The following GRP variants were observed in gnomAD, a reference collection of about 807,000 sequenced individuals.
GRP encodes gastrin-releasing peptide.
GRP carries 11 observed loss-of-function variants against 12.7 expected under a neutral mutation model. The observed-to-expected ratio is 0.87, with a 90% CI of 0.55 to 1.44. The LOEUF is 1.44. GRP is among the 40% of genes most tolerant of loss of function. The pLI is 0.00. For missense variants in GRP, 212 were observed against 185.4 expected, an observed-to-expected ratio of 1.14 and a Z score of -0.83; for synonymous variants, 84 against 77.7, an observed-to-expected ratio of 1.08 and a Z score of -0.43.
intron 2 of GRP, among the ~76,000 whole-genome samples, chr18:59,230,101 C>A (rs529942068): frequency 1.3e-5 from 2 of 152,070 alleles, no homozygotes; most frequent in African/African-American, 4.8e-5. Flanking sequence ...GCATGTTAAG[C>A]TGATAAAACA....
chr18:59,219,720 T>G (rs1458739025), upstream of GRP, among the ~76,000 whole-genome samples: 1 of 152,052 alleles, frequency 6.6e-6, no homozygotes, highest in African/African-American at 2.4e-5. Context: ...GGCCTTCAAA[T>G]GGTGGTTCCA....
intron 2 of GRP, among the ~76,000 whole-genome samples, chr18:59,227,032 T>TCTTTCTTTCTTCCTTC (rs1491161975): frequency 2.7e-4 from 38 of 141,458 alleles, no homozygotes; most frequent in Non-Finnish European, 4.8e-4. Flanking sequence ...TTTCTTTCTT[T>TCTTTCTTTCTTCCTTC]CTTTCTTTCT....
intron 1 of GRP, among the ~76,000 whole-genome samples, chr18:59,221,043 T>C (rs960575429): frequency 6.6e-6 from 1 of 152,264 alleles, no homozygotes; most frequent in African/African-American, 2.4e-5. Context: ...TTCTTTTCCC[T>C]GCCCTTTTGC....
At chr18:59,222,650 G>T (rs866676280) in intron 1 of GRP, among the ~76,000 whole-genome samples, 1 of 152,180 alleles carries the variant, frequency 6.6e-6, no homozygotes, top group Non-Finnish European at 1.5e-5. Context: ...AATCACCAAA[G>T]ACATGTAGTT....
Position 59,225,558 on chromosome 18 carries a change from A to G in GRP, c.206A>G (p.Gln69Arg). The change falls in exon 2 of 3, where the codon CAG (glutamine) becomes CGG (arginine). Residue 69 changes from glutamine (Q) to arginine (R), a missense_variant. Coordinates refer to ENST00000256857, the MANE Select transcript of GRP (RefSeq NM_002091.5). ...GTTTCTGAGAGAGGGAGCCTGAAGC[A>G]GCAGCTGAGAGAGTACATCAGGTGG... ...SSVSERGSLK[Q>R]QLREYIRWEE... 6.2e-7 allele frequency: 1 copy of G among 1,614,092 alleles called. No individual in the cohort carries two copies. The highest frequency in any genetic ancestry group is 8.5e-7 in the Non-Finnish European group (1 of 1,179,914).
chr18:59,223,178 G>A (rs1008318452), intron 1 of GRP, among the ~76,000 whole-genome samples: 6 of 152,014 alleles, frequency 3.9e-5, no homozygotes, highest in African/African-American at 1.4e-4. Context: ...TCTGATCAAG[G>A]TTTTATTTTT....
intron 2 of GRP, among the ~76,000 whole-genome samples, chr18:59,227,660 A>ATGT (rs1304991410): frequency 6.6e-6 from 1 of 152,128 alleles, no homozygotes; most frequent in African/African-American, 2.4e-5. Context: ...CTCTACTAAC[A>ATGT]CACAATCATG....
chr18:59,229,935 A>G (rs1289095125), intron 2 of GRP, among the ~76,000 whole-genome samples: 1 of 152,170 alleles, frequency 6.6e-6, no homozygotes, highest in African/African-American at 2.4e-5. Context: ...ACTAGCTTTG[A>G]CTTGTGTAAC....
chr18:59,225,009 AG>A (rs575138419), intron 1 of GRP, among the ~76,000 whole-genome samples: 34 of 152,384 alleles, frequency 2.2e-4, no homozygotes, highest in Middle Eastern at 6.8e-3. Context: ...AACCACACAA[AG>A]AAAAGCATGG....
At chr18:59,220,910 G>A (rs1372543459) in intron 1 of GRP, among the ~76,000 whole-genome samples, 1 of 152,202 alleles carries the variant, frequency 6.6e-6, no homozygotes, top group African/African-American at 2.4e-5. Flanking sequence ...CACAGGTGTG[G>A]GGACCTAGGG....
chr18:59,229,293 C>T, intron 2 of GRP, among the ~76,000 whole-genome samples: 1 of 152,080 alleles, frequency 6.6e-6, no homozygotes, highest in East Asian at 1.9e-4. Flanking sequence ...CTCTCTTTTT[C>T]CTTTTAGTTT....
chr18:59,221,597 G>C lies in GRP; in HGVS notation c.139+1193G>C, dbSNP rs941497343. Among the ~76,000 whole-genome samples, 82 of 149,152 alleles carry C rather than the reference G, an allele frequency of 5.5e-4. 1 individual carries two copies. In the South Asian group the frequency reaches 0.012, roughly 22 times the overall value. On this transcript the variant is annotated intron_variant, in intron 1 of 2. Transcript: ENST00000256857. ...TGTGTCTCTGTGTGTGTGTGTCTCTGTGTGTGTGTGTGTGTGTGTATTTCC... is the reference window on the plus strand; with the variant it reads ...TGTGTCTCTGTGTGTGTGTGTCTCTCTGTGTGTGTGTGTGTGTGTATTTCC...
intron 1 of GRP, among the ~76,000 whole-genome samples, chr18:59,221,503 A>G (rs1299268250): frequency 6.6e-6 from 1 of 151,876 alleles, no homozygotes; most frequent in Admixed American, 6.6e-5. Flanking sequence ...AAAGCCAACT[A>G]CAACAACCCC....
At position 59,225,638 on chromosome 18, in the gene GRP, C is replaced by G; in HGVS notation, c.286C>G (p.His96Asp). Residue 96 changes from histidine to aspartate, a missense_variant, in exon 2 of 3, where the codon CAC becomes GAC. His to Asp is a moderately conservative substitution (Grantham distance 81). Transcript: ENST00000256857. ...GLIEAKENRN[H>D]QPPQPKALGN... is the part of the protein sequence containing the mutation. Reference sequence around the variant, plus strand: ...CATAGAAGCAAAGGAGAACAGAAACCACCAGCCACCTCAACCCAAGGCCCT... The same window carrying G: ...CATAGAAGCAAAGGAGAACAGAAACGACCAGCCACCTCAACCCAAGGCCCT... The G allele has an allele frequency of 6.2e-7, 1 of 1,614,094 alleles. No homozygotes were observed. The highest frequency in any genetic ancestry group is 8.5e-7 in the Non-Finnish European group (1 of 1,179,984).
Position 59,225,847 on chromosome 18 carries a change from A to G in GRP, c.382+113A>G, listed in dbSNP as rs2069912292. 8.7e-6 allele frequency: 8 copies of G among 916,618 alleles called. No individual in the cohort carries two copies. The South Asian group carries it at 1.3e-4, about 15-fold the overall frequency. The allele number at this position is 916,618 out of a possible 1,614,324, so 56.8% of individuals were successfully genotyped here. ...GCTTATGATATAAACCTTCACAGTC[A>G]CTACATTAGGCTAACACATGCTAAG... is the stretch of plus-strand genomic sequence containing the variant. On this transcript the variant is annotated intron_variant, in intron 2 of 2. Coordinates refer to ENST00000256857, the MANE Select transcript of GRP (RefSeq NM_002091.5).
Position 59,225,433 on chromosome 18 carries a change from A to C in GRP, c.140-59A>C. 5 of 1,513,102 alleles carry C rather than the reference A, an allele frequency of 3.3e-6. No individual in the cohort carries two copies. The South Asian group carries it at 6.3e-5, about 19-fold the overall frequency. The allele number at this position is 1,513,102 out of a possible 1,614,324, so 93.7% of individuals were successfully genotyped here. ...GCTTTAAATTTCTTTTAAATTTCTCATTCATTCCCTTTGGTTAAATTTGTG... is the reference window on the plus strand; with the variant it reads ...GCTTTAAATTTCTTTTAAATTTCTCCTTCATTCCCTTTGGTTAAATTTGTG... On this transcript the variant is annotated intron_variant, in intron 1 of 2. Transcript: ENST00000256857.
chr18:59,220,122 GCTTC>G, upstream of GRP: 1 of 413,520 alleles, frequency 2.4e-6, no homozygotes, highest in East Asian at 4.6e-5. Flanking sequence ...CCCCGCCCGG[GCTTC>G]CATATAAAGT....
At chr18:59,228,605 T>C (rs17065649) in intron 2 of GRP, among the ~76,000 whole-genome samples, 7,404 of 152,330 alleles carry the variant, frequency 0.049, 313 homozygotes, top group African/African-American at 0.11. Flanking sequence ...TGCTCGACCA[T>C]GGAAACAGCT....
chr18:59,228,727 TC>T (rs1282298792), intron 2 of GRP, among the ~76,000 whole-genome samples: 1 of 152,168 alleles, frequency 6.6e-6, no homozygotes, highest in Non-Finnish European at 1.5e-5. Flanking sequence ...ATGGAACTTT[TC>T]CCCCATGGTT....
Sources: gnomAD v4.1 joint callset for allele counts (sites outside exome capture counted in the v4.1 genomes callset) on GRCh38, gnomAD v4.1.1 for gene constraint, MANE v1.5 for transcripts, NCBI Gene and HGNC (gene_info 2026-07-23, HGNC 2026-07-21) for gene names.